Variants in CCDC3 observed in about 807,000 individuals in gnomAD.
CCDC3 encodes coiled-coil domain containing 3, also known as coiled-coil domain-containing protein 3.
Under a neutral mutation model 21.4 loss-of-function variants are expected in CCDC3, and 24 were observed. The observed-to-expected ratio is 1.12, with a 90% CI of 0.81 to 1.58. The LOEUF is 1.58. Ranked by LOEUF, CCDC3 falls within the 40% of genes most tolerant of loss-of-function variation. The pLI, the probability that CCDC3 is intolerant of heterozygous loss-of-function variation, is 0.00. For synonymous variants in CCDC3, 186 were observed against 166.0 expected, an observed-to-expected ratio of 1.12 and a Z score of -0.93; for missense variants, 425 against 360.9, an observed-to-expected ratio of 1.18 and a Z score of -1.44.
intron 2 of CCDC3, among the ~76,000 whole-genome samples, chr10:12,992,057 A>G (rs11597167): frequency 0.16 from 22,873 of 145,180 alleles, 2,077 homozygotes; most frequent in Admixed American, 0.27. Context: ...GTAATAACAC[A>G]TATTTGGATT....
chr10:12,975,861 T>C (rs936159823), intron 2 of CCDC3, among the ~76,000 whole-genome samples: 3 of 152,208 alleles, frequency 2.0e-5, no homozygotes, highest in Non-Finnish European at 2.9e-5. Flanking sequence ...TCATCTCCCC[T>C]GGTTTCAGTG....
At chr10:13,080,559 TA>T (rs752778537) in intron 3 of CCDC3, among the ~76,000 whole-genome samples, 4 of 152,104 alleles carry the variant, frequency 2.6e-5, no homozygotes, top group Non-Finnish European at 1.5e-5. Flanking sequence ...ATTAAAAGGT[TA>T]AAAAAAGGTG....
At position 12,941,572 on chromosome 10, in the gene CCDC3, G is replaced by A. The variant is rs148127256; in HGVS notation, c.550-42893C>T. On this transcript the variant is annotated intron_variant, in intron 2 of 2. Coordinates refer to ENST00000378825, the MANE Select transcript of CCDC3 (RefSeq NM_031455.4). ...TGTATATTAATGTACTTATCTGGGA[G>A]AGGATTCATCACCAGACTCTCAGAG... Among the ~76,000 whole-genome samples the A allele has an allele frequency of 1.4e-4, 21 of 152,242 alleles. No individual in the cohort carries two copies. The East Asian group carries it at 3.1e-3, about 22-fold the overall frequency.
At position 12,983,358 on chromosome 10, in the gene CCDC3, A is replaced by G. The variant is rs547051183; in HGVS notation, c.549+14980T>C. The stretch of plus-strand genomic sequence containing the variant: ...GAAGCTGAGGCGGGCAGATCACTTC[A>G]GGTCAGAAGTTCGAGACCAGCCTGG... On this transcript the variant is annotated intron_variant, in intron 2 of 2. Transcript: ENST00000378825. Among the ~76,000 whole-genome samples the G allele has an allele frequency of 7.3e-5, 11 of 151,450 alleles. No individual in the cohort carries two copies. In the South Asian group the frequency reaches 1.9e-3, roughly 26 times the overall value.
chr10:12,936,982 C>A (rs1190977080), intron 2 of CCDC3, among the ~76,000 whole-genome samples: 1 of 152,198 alleles, frequency 6.6e-6, no homozygotes, highest in East Asian at 1.9e-4. Flanking sequence ...GGTTCCGTTT[C>A]CCTCTTCCTG....
chr10:12,960,767 T>C (rs749239507), intron 2 of CCDC3, among the ~76,000 whole-genome samples: 3 of 152,204 alleles, frequency 2.0e-5, no homozygotes, highest in Non-Finnish European at 2.9e-5. Flanking sequence ...ATCGCTTGGC[T>C]GCCTGAGCTC....
At chr10:12,987,362 G>A (rs1292933644) in intron 2 of CCDC3, among the ~76,000 whole-genome samples, 2 of 152,222 alleles carry the variant, frequency 1.3e-5, no homozygotes, top group Non-Finnish European at 2.9e-5. Flanking sequence ...TCTGCCTGGA[G>A]ATCTTATGGG....
At chr10:12,993,863 T>C (rs1835715817) in intron 2 of CCDC3, among the ~76,000 whole-genome samples, 1 of 152,158 alleles carries the variant, frequency 6.6e-6, no homozygotes, top group South Asian at 2.1e-4. Flanking sequence ...AACCAGAGTG[T>C]GGGAGGACTT....
At chr10:13,020,273 A>C (rs1836127550) in intron 5 of CCDC3, among the ~76,000 whole-genome samples, 1 of 152,182 alleles carries the variant, frequency 6.6e-6, no homozygotes, top group South Asian at 2.1e-4. Context: ...GGTGGGACTC[A>C]GCTATTGTTT....
At chr10:13,071,696 C>A (rs1342341588) in intron 4 of CCDC3, among the ~76,000 whole-genome samples, 2 of 152,198 alleles carry the variant, frequency 1.3e-5, no homozygotes, top group Non-Finnish European at 2.9e-5. Context: ...GAACGCCTCA[C>A]TTTCCGTCCC....
At chr10:12,941,053 A>G (rs186246962) in intron 2 of CCDC3, among the ~76,000 whole-genome samples, 1 of 152,338 alleles carries the variant, frequency 6.6e-6, no homozygotes, top group East Asian at 1.9e-4. Context: ...TTCCCAGACA[A>G]TTCAGGCATT....
At chr10:13,016,404 A>G (rs1264714159) in intron 5 of CCDC3, among the ~76,000 whole-genome samples, 1 of 151,842 alleles carries the variant, frequency 6.6e-6, no homozygotes, top group Admixed American at 6.6e-5. Flanking sequence ...GGCCCAGGAA[A>G]CCTAAACGGA....
intron 2 of CCDC3, among the ~76,000 whole-genome samples, chr10:12,973,207 A>T (rs1835368428): frequency 1.3e-5 from 2 of 152,146 alleles, no homozygotes; most frequent in Admixed American, 6.5e-5. Context: ...GATGGATTAC[A>T]GGGGAAGGGA....
chr10:12,909,641 C>T (rs922691223), intron 2 of CCDC3, among the ~76,000 whole-genome samples: 17 of 152,184 alleles, frequency 1.1e-4, no homozygotes, highest in Non-Finnish European at 2.2e-4. Context: ...CTCTCCCTTC[C>T]GGTGTCAGGG....
chr10:12,933,151 G>C (rs887866842), intron 2 of CCDC3, among the ~76,000 whole-genome samples: 5 of 152,100 alleles, frequency 3.3e-5, no homozygotes, highest in Non-Finnish European at 7.4e-5. Context: ...TAGGTAGTAG[G>C]GGAGTGCTGG....
chr10:12,926,591 C>G (rs76632575), intron 2 of CCDC3, among the ~76,000 whole-genome samples: 3 of 152,054 alleles, frequency 2.0e-5, no homozygotes, highest in African/African-American at 7.2e-5. Flanking sequence ...GGGACAAATA[C>G]AAAATATTAA....
At chr10:13,030,885 C>G (rs562444698) in intron 5 of CCDC3, among the ~76,000 whole-genome samples, 1 of 152,130 alleles carries the variant, frequency 6.6e-6, no homozygotes, top group Non-Finnish European at 1.5e-5. Flanking sequence ...GACTCCCACA[C>G]AATAATAATG....
At chr10:12,918,175 C>T (rs1186857004) in intron 2 of CCDC3, among the ~76,000 whole-genome samples, 1 of 152,176 alleles carries the variant, frequency 6.6e-6, no homozygotes, top group African/African-American at 2.4e-5. Flanking sequence ...TCTGATCGGA[C>T]CCACCTTGTC....
intron 2 of CCDC3, among the ~76,000 whole-genome samples, chr10:12,994,149 G>C (rs921276251): frequency 1.3e-5 from 2 of 152,158 alleles, no homozygotes; most frequent in African/African-American, 4.8e-5. Context: ...TGTAATCCCA[G>C]AACTTTGGGA....
Sources: allele counts gnomAD v4.1 joint callset (sites outside exome capture counted in the v4.1 genomes callset), GRCh38; gene constraint gnomAD v4.1.1; transcripts MANE v1.5; gene names NCBI Gene and HGNC (gene_info 2026-07-23, HGNC 2026-07-21).